Variants in COX16 observed in about 807,000 individuals in gnomAD.
COX16 encodes the protein cytochrome c oxidase assembly factor COX16.
Under a neutral mutation model 15.4 loss-of-function variants are expected in COX16, and 12 were observed. The ratio of observed to expected loss-of-function variants is 0.78; its 90% CI spans 0.50 to 1.26. The LOEUF is 1.26. Ranked by LOEUF, COX16 falls within the 50% of genes most tolerant of loss-of-function variation. The pLI, the probability that COX16 is intolerant of heterozygous loss-of-function variation, is 0.00. For synonymous variants in COX16, 46 were observed against 41.1 expected (o/e 1.12, Z -0.46); for missense variants, 124 against 127.6 (o/e 0.97, Z 0.14).
chr14:70,326,530 A>T, intron 3 of COX16, 81 bp from the exon 4 acceptor site: 12 of 1,042,538 alleles, frequency 1.2e-5, no homozygotes, highest in South Asian at 2.5e-5. Flanking sequence ...AACTCAATGA[A>T]TAAATGAGTA....
intron 1 of COX16, among the ~76,000 whole-genome samples, chr14:70,354,362 C>T (rs1310698548): frequency 6.6e-6 from 1 of 152,166 alleles, no homozygotes; most frequent in East Asian, 1.9e-4. Context: ...CTGAAAAGTC[C>T]AGCCATGTGA....
intron 1 of COX16, among the ~76,000 whole-genome samples, chr14:70,349,445 A>C (rs934384318): frequency 3.9e-5 from 6 of 152,056 alleles, no homozygotes; most frequent in African/African-American, 1.4e-4. Flanking sequence ...ATAATTCCCC[A>C]TTTCGGCCTC....
chr14:70,336,610 C>T (rs1187664501), intron 2 of COX16, among the ~76,000 whole-genome samples: 2 of 152,162 alleles, frequency 1.3e-5, no homozygotes, highest in Admixed American at 1.3e-4. Context: ...TCCTCATATG[C>T]TTTCAACTAA....
intron 1 of COX16, among the ~76,000 whole-genome samples, chr14:70,353,331 A>C (rs1887022550): frequency 6.7e-6 from 1 of 149,668 alleles, no homozygotes; most frequent in Non-Finnish European, 1.5e-5. Flanking sequence ...TGAAAGATGT[A>C]GCCATTTGGA....
At chr14:70,327,482 A>AT (rs561190558) in intron 3 of COX16, among the ~76,000 whole-genome samples, 11,187 of 148,806 alleles carry the variant, frequency 0.075, 466 homozygotes, top group Middle Eastern at 0.13. Flanking sequence ...AAGTTACAGG[A>AT]TTTTTTTTTT....
chr14:70,333,954 C>CA (rs1053561790), intron 2 of COX16, among the ~76,000 whole-genome samples: 4 of 152,024 alleles, frequency 2.6e-5, no homozygotes, highest in Admixed American at 1.3e-4. Flanking sequence ...GGAAAACAAA[C>CA]AAAAATACTG....
rs1022200674 is a variant in COX16, at chr14:70,342,695, T to C, written c.104A>G (p.Glu35Gly). The part of the protein sequence containing the change: ...LIVGGSFGLR[E>G]FSQIRYDAVK... ...AGCATCATATCGGATTTGAGAAAACTCACGAAGACCAAAAGAACCTCCAAC... is the reference window on the plus strand; with the variant it reads ...AGCATCATATCGGATTTGAGAAAACCCACGAAGACCAAAAGAACCTCCAAC... Residue 35 changes from glutamate (E) to glycine (G), a missense_variant, in exon 2 of 4, where the codon GAG becomes GGG. Coordinates refer to ENST00000389912, the MANE Select transcript of COX16 (RefSeq NM_016468.7). The C allele has an allele frequency of 5.0e-6, 8 of 1,613,012 alleles. No individual in the cohort carries two copies. The African/African-American group carries it at 9.4e-5, about 19-fold the overall frequency.
intron 3 of COX16, chr14:70,328,072 A>ATTTTTTCTTTTTTT (rs1886143258): frequency 1.2e-5 from 1 of 80,840 alleles, no homozygotes; most frequent in Non-Finnish European, 2.2e-5. Flanking sequence ...TGAGAATAAG[A>ATTTTTTCTTTTTTT]TTTTTTTTTT....
chr14:70,334,138 AT>A (rs1886373712), intron 2 of COX16, among the ~76,000 whole-genome samples: 1 of 152,240 alleles, frequency 6.6e-6, no homozygotes, highest in Non-Finnish European at 1.5e-5. Context: ...TAATACTGCA[AT>A]CATGATGTTT....
At chr14:70,341,740 C>A (rs1236291237) in intron 2 of COX16, among the ~76,000 whole-genome samples, 1 of 152,074 alleles carries the variant, frequency 6.6e-6, no homozygotes, top group Non-Finnish European at 1.5e-5. Flanking sequence ...ACGTACGTTT[C>A]TTTTACTTTA....
At chr14:70,327,549 T>C (rs1316260180) in intron 3 of COX16, among the ~76,000 whole-genome samples, 1 of 151,894 alleles carries the variant, frequency 6.6e-6, no homozygotes, top group East Asian at 1.9e-4. Flanking sequence ...TTACCAGGAG[T>C]CTGTATTACA....
chr14:70,331,878 A>G (rs576385334), intron 2 of COX16, among the ~76,000 whole-genome samples: 6 of 152,330 alleles, frequency 3.9e-5, no homozygotes, highest in African/African-American at 1.4e-4. Context: ...TAGCAACAAG[A>G]ATCCTGCACC....
At chr14:70,357,301 G>C (rs1887160063) in intron 1 of COX16, among the ~76,000 whole-genome samples, 1 of 151,410 alleles carries the variant, frequency 6.6e-6, no homozygotes, top group Admixed American at 6.6e-5. Flanking sequence ...AATTTAGAAA[G>C]TCATGCAAAT....
rs114370409 is a variant in COX16, at chr14:70,349,519, C to T, written c.70-6790G>A. ...AGCCAAATTATCCAAGGCGTCTCTA[C>T]GTCCTTAAGAATAAAGTAGGTTCTC... is the stretch of plus-strand genomic sequence containing the variant. On this transcript the variant is annotated intron_variant, in intron 1 of 3. Coordinates refer to ENST00000389912, the MANE Select transcript of COX16 (RefSeq NM_016468.7). Among the ~76,000 whole-genome samples the T allele has an allele frequency of 4.8e-3, 737 of 152,314 alleles. 6 individuals are homozygous for T. The highest frequency in any genetic ancestry group is 0.016 in the African/African-American group (647 of 41,552).
At position 70,328,087 on chromosome 14, in the gene COX16, T is replaced by TTTTTTTTTTTTTTC. The variant is rs1886147621; in HGVS notation, c.204+1086_204+1087insGAAAAAAAAAAAAA. 1.5e-5 allele frequency: 2 copies of TTTTTTTTTTTTTTC among 133,126 alleles called. 1 individual carries two copies. The highest frequency in any genetic ancestry group is 3.2e-5 in the Non-Finnish European group (2 of 62,834). The allele number at this position is 133,126 out of a possible 1,614,324, so 8.2% of individuals were successfully genotyped here. On this transcript the variant is annotated intron_variant, in intron 3 of 3. Coordinates refer to ENST00000389912, the MANE Select transcript of COX16 (RefSeq NM_016468.7). The stretch of plus-strand genomic sequence containing the variant: ...TGAGAATAAGATTTTTTTTTTTTTT[T>TTTTTTTTTTTTTTC]TTTTTTTTTTGAGACGGAGTCTCGT...
chr14:70,344,915 G>T (rs1337898279), intron 1 of COX16, among the ~76,000 whole-genome samples: 1 of 152,152 alleles, frequency 6.6e-6, no homozygotes, highest in African/African-American at 2.4e-5. Flanking sequence ...ACTTGGGGCT[G>T]ATGCCATTTT....
At chr14:70,326,500 G>C in intron 3 of COX16, 51 bp from the exon 4 acceptor site, 1 of 1,417,370 alleles carries the variant, frequency 7.1e-7, no homozygotes, top group South Asian at 1.6e-5. Context: ...AGAGCCTGTG[G>C]CTTTGATTAG....
In COX16 at chr14:70,329,330, A is replaced by G. The variant is rs572771930; in HGVS notation, c.142-94T>C. 7 of 1,134,412 alleles carry G rather than the reference A, an allele frequency of 6.2e-6. No individual in the cohort carries two copies. The African/African-American group carries it at 7.9e-5, about 13-fold the overall frequency. The allele number at this position is 1,134,412 out of a possible 1,614,324, so 70.3% of individuals were successfully genotyped here. On this transcript the variant is annotated intron_variant, in intron 2 of 3. Transcript: ENST00000389912. The stretch of plus-strand genomic sequence containing the variant: ...TTATAGAAGAGATGGCTGAAATACT[A>G]TAGCCAAATACAAACACATGGCAAA...
chr14:70,334,012 A>G (rs557778142), intron 2 of COX16, among the ~76,000 whole-genome samples: 1 of 152,352 alleles, frequency 6.6e-6, no homozygotes, highest in African/African-American at 2.4e-5. Flanking sequence ...TCAGAAATGG[A>G]GAGATGAAAG....
Sources: gnomAD v4.1 joint callset for allele counts (sites outside exome capture counted in the v4.1 genomes callset) on GRCh38, gnomAD v4.1.1 for gene constraint, MANE v1.5 for transcripts, NCBI Gene and HGNC (gene_info 2026-07-23, HGNC 2026-07-21) for gene names.